The following NCKAP5 variants were observed in gnomAD, a reference collection of about 807,000 sequenced individuals.
The protein encoded by NCKAP5 is nck-associated protein 5.
NCKAP5 carries 92 observed loss-of-function variants against 167.0 expected under a neutral mutation model. The observed-to-expected ratio is 0.55, with a 90% CI of 0.47 to 0.66. The LOEUF (loss-of-function observed/expected upper bound fraction) is 0.66, where lower values mean the gene tolerates loss of function less well. NCKAP5 is among the 30% of genes least tolerant of loss of function. The pLI, the probability that NCKAP5 is intolerant of heterozygous loss-of-function variation, is 0.00. For synonymous variants in NCKAP5, 891 were observed against 877.4 expected (o/e 1.02, Z -0.27); for missense variants, 2,378 against 2,315.0 (o/e 1.03, Z -0.56).
At chr2:132,808,414 T>C (rs1685601392) in intron 11 of NCKAP5, among the ~76,000 whole-genome samples, 1 of 152,126 alleles carries the variant, frequency 6.6e-6, no homozygotes. Flanking sequence ...TTGGTAATTT[T>C]TAAATTACCA....
chr2:133,576,224 T>A, the NCKAP5 span, among the ~76,000 whole-genome samples: 3 of 152,190 alleles, frequency 2.0e-5, no homozygotes, highest in Non-Finnish European at 4.4e-5. Context: ...CCCATTCTTT[T>A]TTCTTCAGCT....
At chr2:133,075,549 T>C (rs1452075856) in intron 6 of NCKAP5, among the ~76,000 whole-genome samples, 1 of 152,184 alleles carries the variant, frequency 6.6e-6, no homozygotes, top group East Asian at 1.9e-4. Context: ...GTATGTGTAA[T>C]ACATAATAAC....
chr2:132,930,428 G>T (rs928741281), intron 8 of NCKAP5: 1 of 152,210 alleles, frequency 6.6e-6, no homozygotes, highest in Non-Finnish European at 1.5e-5. Flanking sequence ...GCCCTCCCCA[G>T]TGTGGGTAGG....
rs190638583 is a variant in NCKAP5 at position 132,874,329 on chromosome 2, C to T, written c.648+4519G>A. Among the ~76,000 whole-genome samples, 543 of 152,126 alleles carry T rather than the reference C, an allele frequency of 3.6e-3. 3 individuals carry two copies. Among genetic ancestry groups the T allele is most frequent in the African/African-American group, 0.012 (511 of 41,506 alleles). ...TTCACTATGTTGGCTAGGCTGGTCT[C>T]GCACTCCTGACCTTGTGATCCACCC... On this transcript the variant is annotated intron_variant, in intron 9 of 19. Transcript: ENST00000409261.
At position 132,740,861 on chromosome 2, in the gene NCKAP5, G is replaced by GA. The variant is rs886349737; in HGVS notation, c.5129-8811dup. On this transcript the variant is annotated intron_variant, in intron 16 of 19. Transcript: ENST00000409261. ...ATTAATATGACAAACAATTAAAAAA[G>GA]AAAAAAAAATGGACCATGAAATTCC... Among the ~76,000 whole-genome samples the GA allele has an allele frequency of 2.7e-5, 4 of 149,268 alleles. No individual in the cohort carries two copies. The South Asian group carries it at 6.4e-4, about 24-fold the overall frequency.
intron 7 of NCKAP5, among the ~76,000 whole-genome samples, chr2:132,971,166 C>A (rs529249274): frequency 1.3e-5 from 2 of 152,234 alleles, no homozygotes; most frequent in African/African-American, 4.8e-5. Flanking sequence ...ATGTCAGGAG[C>A]AAACATAAAA....
At chr2:132,878,642 A>G (rs200357006) in intron 9 of NCKAP5, among the ~76,000 whole-genome samples, 1 of 49,562 alleles carries the variant, frequency 2.0e-5, no homozygotes, top group Non-Finnish European at 4.6e-5. Flanking sequence ...ACACACACAC[A>G]CACACACACA....
the NCKAP5 span, among the ~76,000 whole-genome samples, chr2:133,592,731 T>C: frequency 0.022 from 3,364 of 152,330 alleles, 119 homozygotes; most frequent in African/African-American, 0.076. Flanking sequence ...GCCTACACTT[T>C]TGCCTTTATG....
At position 132,788,901 on chromosome 2, in the gene NCKAP5, T is replaced by C. The variant is rs961118995; in HGVS notation, c.1092+1122A>G. 7.2e-5 allele frequency among the ~76,000 whole-genome samples: 11 copies of C among 152,338 alleles called. No individual in the cohort carries two copies. The South Asian group carries it at 2.3e-3, about 32-fold the overall frequency. Reference sequence around the variant, plus strand: ...TTTCTTAAGTAATACACATTTCAAATGTCTTCATGAATCTGGGTCTGGCTT... The same window carrying C: ...TTTCTTAAGTAATACACATTTCAAACGTCTTCATGAATCTGGGTCTGGCTT... On this transcript the variant is annotated intron_variant, in intron 13 of 19. Coordinates refer to ENST00000409261, the MANE Select transcript of NCKAP5 (RefSeq NM_207363.3).
intron 8 of NCKAP5, among the ~76,000 whole-genome samples, chr2:132,936,240 C>T (rs1696842507): frequency 6.6e-6 from 1 of 152,066 alleles, no homozygotes. Context: ...CCTTGGCTTC[C>T]CAAAATGCTG....
In NCKAP5 at chr2:133,448,250, G is replaced by GAA. The variant is rs58596848; in HGVS notation, c.69+69206_69+69207dup. Among the ~76,000 whole-genome samples the GAA allele has an allele frequency of 3.0e-3, 429 of 140,988 alleles. 3 individuals are homozygous for GAA. Among genetic ancestry groups the GAA allele is most frequent in the African/African-American group, 0.011 (416 of 38,930 alleles). 92.5% of individuals were successfully genotyped at this position (140,988 alleles called of 152,430 possible). On this transcript the variant is annotated intron_variant, in intron 3 of 19. Transcript: ENST00000409261. ...AATAATAGGTTTGATATTGTTCTGG[G>GAA]AAAAAAAAAAAAAGAGGGAGGCGGG... is the stretch of plus-strand genomic sequence containing the variant.
chr2:132,717,930 T>C (rs1329510765), intron 19 of NCKAP5, among the ~76,000 whole-genome samples: 1 of 152,208 alleles, frequency 6.6e-6, no homozygotes, highest in African/African-American at 2.4e-5. Context: ...CCCTTTGTTG[T>C]GGTGATCTAT....
rs528888991 is a variant in NCKAP5 at position 133,271,010 on chromosome 2, C to T, written c.143+32027G>A. Among the ~76,000 whole-genome samples, 3 of 150,404 alleles carry T rather than the reference C, an allele frequency of 2.0e-5. No individual in the cohort carries two copies. The East Asian group carries it at 5.8e-4, about 29-fold the overall frequency. ...TCTCAGCTGAGTGCAAGCTCTGCCT[C>T]CCGGGTTCACGTCATTCTCCTGCCT... On this transcript the variant is annotated intron_variant, in intron 4 of 19. Transcript: ENST00000409261.
At chr2:133,210,988 A>C (rs1220956825) in intron 5 of NCKAP5, among the ~76,000 whole-genome samples, 2 of 143,676 alleles carry the variant, frequency 1.4e-5, no homozygotes. Flanking sequence ...CATTCCCCCA[A>C]CCCTCCCTAC....
intron 3 of NCKAP5, among the ~76,000 whole-genome samples, chr2:133,467,658 T>G (rs1559505757): frequency 6.6e-6 from 1 of 150,486 alleles, no homozygotes; most frequent in East Asian, 2.0e-4. Context: ...TTTTGGTTGG[T>G]AAGCTATTGA....
At chr2:133,199,829 G>A (rs1051166557) in intron 5 of NCKAP5, among the ~76,000 whole-genome samples, 1 of 151,916 alleles carries the variant, frequency 6.6e-6, no homozygotes, top group African/African-American at 2.4e-5. Flanking sequence ...GTATAAATGT[G>A]TGTATATTTA....
intron 6 of NCKAP5, among the ~76,000 whole-genome samples, chr2:133,091,627 C>T (rs1290591866): frequency 6.6e-6 from 1 of 152,154 alleles, no homozygotes; most frequent in Non-Finnish European, 1.5e-5. Context: ...GTGGCTCCCG[C>T]CTGTAATCCC....
intron 19 of NCKAP5, among the ~76,000 whole-genome samples, chr2:132,705,974 T>C (rs980448057): frequency 6.6e-6 from 1 of 152,208 alleles, no homozygotes; most frequent in Non-Finnish European, 1.5e-5. Flanking sequence ...TGTATGTGTG[T>C]ATTAATAAAT....
intron 3 of NCKAP5, among the ~76,000 whole-genome samples, chr2:133,353,161 T>A (rs1672476696): frequency 6.6e-6 from 1 of 152,110 alleles, no homozygotes. Context: ...AAGCAAAAAC[T>A]CAGAGCATTA....
Sources: allele counts gnomAD v4.1 joint callset (sites outside exome capture counted in the v4.1 genomes callset), GRCh38; gene constraint gnomAD v4.1.1; transcripts MANE v1.5; gene names NCBI Gene and HGNC (gene_info 2026-07-23, HGNC 2026-07-21).